SHISA9: variants seen among roughly 807,000 people sequenced by gnomAD.
SHISA9 encodes the protein protein shisa-9.
Under a neutral mutation model 38.0 loss-of-function variants are expected in SHISA9, and 13 were observed. The ratio of observed to expected loss-of-function variants is 0.34; its 90% CI spans 0.22 to 0.54. SHISA9 has a LOEUF of 0.54. Ranked by LOEUF, SHISA9 falls within the 20% of genes least tolerant of loss-of-function variation. The pLI is 0.91. For synonymous variants in SHISA9, 275 were observed against 242.0 expected, an observed-to-expected ratio of 1.14 and a Z score of -1.27; for missense variants, 538 against 575.8, an observed-to-expected ratio of 0.93 and a Z score of 0.67.
Position 13,055,322 on chromosome 16 carries a change from A to G in SHISA9, c.691+138507A>G, listed in dbSNP as rs368699853. 3.9e-5 allele frequency among the ~76,000 whole-genome samples: 6 copies of G among 152,272 alleles called. No individual in the cohort carries two copies. The East Asian group carries it at 7.7e-4, about 20-fold the overall frequency. On this transcript the variant is annotated intron_variant, in intron 2 of 4. Transcript: ENST00000558583. ...TCTTTGCTTCAGAGTCTGTGCCCAT[A>G]ACCACAGTGCTGTTTTGTGTCTCTT...
the SHISA9 span, among the ~76,000 whole-genome samples, chr16:13,506,126 T>G: frequency 6.6e-6 from 1 of 152,202 alleles, no homozygotes; most frequent in African/African-American, 2.4e-5. Context: ...AGTAAATCCT[T>G]GAACATTCAA....
chr16:13,093,014 A>T (rs527682406), intron 2 of SHISA9, among the ~76,000 whole-genome samples: 2 of 152,304 alleles, frequency 1.3e-5, no homozygotes, highest in South Asian at 4.1e-4. Flanking sequence ...TGTGATATGA[A>T]CCTAACACTT....
At chr16:13,198,584 T>G (rs2050973186) in intron 2 of SHISA9, among the ~76,000 whole-genome samples, 1 of 152,234 alleles carries the variant, frequency 6.6e-6, no homozygotes, top group African/African-American at 2.4e-5. Context: ...ATCTGCATTT[T>G]TTTTTGTTTC....
chr16:13,288,926 T>C, the SHISA9 span, among the ~76,000 whole-genome samples: 3 of 152,176 alleles, frequency 2.0e-5, no homozygotes, highest in African/African-American at 7.2e-5. Flanking sequence ...TATAGTTACA[T>C]GAAAGTGAGG....
chr16:13,018,014 T>G (rs1234205044), intron 2 of SHISA9, among the ~76,000 whole-genome samples: 1 of 152,246 alleles, frequency 6.6e-6, no homozygotes, highest in African/African-American at 2.4e-5. Flanking sequence ...GCTTTCTTCC[T>G]TATAACAACC....
intron 2 of SHISA9, among the ~76,000 whole-genome samples, chr16:13,109,141 C>G (rs1012243181): frequency 2.6e-5 from 4 of 152,146 alleles, no homozygotes; most frequent in Non-Finnish European, 5.9e-5. Context: ...ATCCTCCTAC[C>G]TCATCCTCCT....
At chr16:13,387,256 G>C in the SHISA9 span, among the ~76,000 whole-genome samples, 2 of 152,138 alleles carry the variant, frequency 1.3e-5, no homozygotes, top group Non-Finnish European at 2.9e-5. Context: ...TTTGGAAATA[G>C]AATTGTTGTA....
intron 2 of SHISA9, among the ~76,000 whole-genome samples, chr16:13,188,551 C>G (rs12325259): frequency 6.6e-6 from 1 of 151,792 alleles, no homozygotes; most frequent in African/African-American, 2.4e-5. Context: ...GACCCCGTCT[C>G]TACAAAAATA....
intron 2 of SHISA9, among the ~76,000 whole-genome samples, chr16:13,071,568 C>T (rs1040665272): frequency 2.2e-5 from 3 of 136,834 alleles, no homozygotes; most frequent in African/African-American, 6.9e-5. Context: ...TTCCTTCCTT[C>T]CTCCCTTCCT....
At chr16:13,527,205 A>T in the SHISA9 span, among the ~76,000 whole-genome samples, 3 of 152,200 alleles carry the variant, frequency 2.0e-5, no homozygotes, top group Non-Finnish European at 4.4e-5. Context: ...AGTAAATATT[A>T]TTATAAGTTT....
At chr16:12,964,140 C>T (rs190467875) in intron 2 of SHISA9, among the ~76,000 whole-genome samples, 1 of 152,288 alleles carries the variant, frequency 6.6e-6, no homozygotes, top group East Asian at 1.9e-4. Flanking sequence ...CAGTGCATTG[C>T]CAGATCTGGT....
At chr16:13,263,333 G>A in the SHISA9 span, among the ~76,000 whole-genome samples, 1 of 152,146 alleles carries the variant, frequency 6.6e-6, no homozygotes, top group Non-Finnish European at 1.5e-5. Context: ...GTTGGAGGTG[G>A]GGCCTGGTGG....
chr16:13,364,885 A>T, the SHISA9 span, among the ~76,000 whole-genome samples: 2 of 152,226 alleles, frequency 1.3e-5, no homozygotes, highest in African/African-American at 4.8e-5. Context: ...GGCAGTAAGA[A>T]CGAGAAGATG....
At chr16:13,262,654 AAGG>A in the SHISA9 span, among the ~76,000 whole-genome samples, 1 of 47,716 alleles carries the variant, frequency 2.1e-5, no homozygotes, top group Non-Finnish European at 4.1e-5. Flanking sequence ...GGAAGGAAGG[AAGG>A]AAGGAAGGAA....
intron 2 of SHISA9, among the ~76,000 whole-genome samples, chr16:12,987,969 T>A (rs985812620): frequency 2.6e-5 from 4 of 152,206 alleles, no homozygotes; most frequent in African/African-American, 9.6e-5. Flanking sequence ...GTCTCCAGTG[T>A]TCCTATTCTT....
intron 2 of SHISA9, among the ~76,000 whole-genome samples, chr16:12,931,891 A>G (rs1338440818): frequency 6.6e-6 from 1 of 152,172 alleles, no homozygotes; most frequent in African/African-American, 2.4e-5. Flanking sequence ...TCCCCACCCA[A>G]ATCTCATCTT....
At chr16:13,058,609 T>C (rs1356963149) in intron 2 of SHISA9, among the ~76,000 whole-genome samples, 1 of 152,202 alleles carries the variant, frequency 6.6e-6, no homozygotes, top group Admixed American at 6.5e-5. Flanking sequence ...GCCACAAAAG[T>C]TCTCTTCTAG....
the SHISA9 span, among the ~76,000 whole-genome samples, chr16:13,336,164 G>A: frequency 2.0e-5 from 3 of 152,106 alleles, no homozygotes; most frequent in Non-Finnish European, 4.4e-5. Context: ...ACCTGTCCAG[G>A]AGCAAGCAGG....
the SHISA9 span, among the ~76,000 whole-genome samples, chr16:13,274,600 A>G: frequency 3.3e-5 from 5 of 152,126 alleles, no homozygotes; most frequent in African/African-American, 1.2e-4. Flanking sequence ...AGATAATGTG[A>G]GCAGACAGAA....
Sources: gnomAD v4.1 joint callset for allele counts (sites outside exome capture counted in the v4.1 genomes callset) on GRCh38, gnomAD v4.1.1 for gene constraint, MANE v1.5 for transcripts, NCBI Gene and HGNC (gene_info 2026-07-23, HGNC 2026-07-21) for gene names.